MYNN: variants seen among roughly 807,000 people sequenced by gnomAD.
MYNN encodes the protein myoneurin.
MYNN carries 22 observed loss-of-function variants against 57.2 expected under a neutral mutation model. The observed-to-expected ratio is 0.38, with a 90% CI of 0.27 to 0.55. The LOEUF (loss-of-function observed/expected upper bound fraction) is 0.55. Ranked by LOEUF, MYNN falls within the 20% of genes least tolerant of loss-of-function variation. The pLI, the probability that MYNN is intolerant of heterozygous loss-of-function variation, is 0.71. For missense variants in MYNN, 566 were observed against 723.1 expected, an observed-to-expected ratio of 0.78 and a Z score of 2.49; for synonymous variants, 241 against 257.1, an observed-to-expected ratio of 0.94 and a Z score of 0.60.
At position 169,774,135 on chromosome 3, in the gene MYNN, T is replaced by TA. The variant is rs1482671182; in HGVS notation, c.-31-128dup. 2.3e-5 allele frequency: 15 copies of TA among 662,348 alleles called. No homozygotes were observed. In the African/African-American group the frequency reaches 2.5e-4, roughly 11 times the overall value. 41.0% of individuals were successfully genotyped at this position (662,348 alleles called of 1,614,324 possible). On this transcript the variant is annotated intron_variant, in intron 1 of 7. Transcript: ENST00000349841. ...AGAAAGGCACTCATCCCTTCATTCTTAACCATGTATGTTTGATAAGGATTT... is the reference window on the plus strand; with the variant it reads ...AGAAAGGCACTCATCCCTTCATTCTTAAACCATGTATGTTTGATAAGGATTT...
rs1778703701 is a variant in MYNN at position 169,787,344 on chromosome 3, C to T, written c.*666C>T. 6.6e-6 allele frequency: 1 copy of T among 151,996 alleles called. No individual in the cohort carries two copies. The highest frequency in any genetic ancestry group is 1.5e-5 in the Non-Finnish European group (1 of 67,920). 9.4% of individuals were successfully genotyped at this position (151,996 alleles called of 1,614,324 possible). A position where few individuals can be genotyped will look rare whatever the true frequency, so the allele number is the denominator to read the frequency against. On this transcript the variant is annotated 3_prime_UTR_variant, in exon 8 of 8. Transcript: ENST00000349841. The stretch of plus-strand genomic sequence containing the variant: ...GGTCAGCACTTTTGGTTTGAGTTAT[C>T]TGAGATTGTATTTTCAAAATGAATT...
intron 7 of MYNN, among the ~76,000 whole-genome samples, chr3:169,785,278 T>C (rs937177491): frequency 6.6e-6 from 1 of 152,014 alleles, no homozygotes; most frequent in Admixed American, 6.6e-5. Context: ...TAGGCCCTTC[T>C]GGTGTGTAAA....
chr3:169,777,671 T>C (rs1274783758), intron 2 of MYNN: 1 of 152,194 alleles, frequency 6.6e-6, no homozygotes, highest in Admixed American at 6.5e-5. Flanking sequence ...TTTCACCACA[T>C]TGTGAACTTC....
In MYNN at chr3:169,786,666, A is replaced by G. The variant is rs1328716647; in HGVS notation, c.1821A>G (p.Gln607=). The stretch of plus-strand genomic sequence containing the variant: ...CAGAACCACAGTTGATTTTTTTACA[A>G]CAATTATACTGACTTTGTAAGGAAT... The part of the protein sequence containing the change: ...GYSEPQLIFL[Q]QLY The change falls in exon 8 of 8, where the codon CAA becomes CAG. Residue 607 remains glutamine, a synonymous_variant. Transcript: ENST00000349841. 1 of 1,612,168 alleles carries G rather than the reference A, an allele frequency of 6.2e-7. No individual in the cohort carries two copies. The highest frequency in any genetic ancestry group is 8.5e-7 in the Non-Finnish European group (1 of 1,178,864).
At position 169,774,387 on chromosome 3, in the gene MYNN, G is replaced by A; in HGVS notation, c.92G>A (p.Gly31Glu). 1 of 1,614,112 alleles carries A rather than the reference G, an allele frequency of 6.2e-7. No individual in the cohort carries two copies. The change falls in exon 2 of 8, where the codon GGG (glycine) becomes GAG (glutamate). Residue 31 changes from glycine to glutamate, a missense_variant. Physicochemically the swap from Gly to Glu is moderately conservative, Grantham distance 98 (BLOSUM62 -2). Transcript: ENST00000349841. ...GFLCDCTIVI[G>E]EFQFKAHRNV... ...CTCTGTGACTGTACCATAGTGATTG[G>A]GGAATTCCAGTTTAAAGCTCATAGG...
At chr3:169,776,469 T>C (rs186790905) in intron 2 of MYNN, among the ~76,000 whole-genome samples, 29 of 152,302 alleles carry the variant, frequency 1.9e-4, no homozygotes, top group African/African-American at 7.0e-4. Context: ...AGGATTATAA[T>C]AGATTTCATA....
chr3:169,778,563 T>A lies in MYNN; in HGVS notation c.267-205T>A, dbSNP rs1778417028. 4 of 468,508 alleles carry A rather than the reference T, an allele frequency of 8.5e-6. No individual in the cohort carries two copies. The South Asian group carries it at 1.2e-4, about 14-fold the overall frequency. 29.0% of individuals were successfully genotyped at this position (468,508 alleles called of 1,614,324 possible). On this transcript the variant is annotated intron_variant, in intron 2 of 7. Transcript: ENST00000349841. ...GTCAGCTGTGAATAGCCATTATCTT[T>A]CATCTCTTGAAGTTCTGTAAAATTG...
rs146178757 is a variant in MYNN, at chr3:169,779,239, A to G, written c.738A>G (p.Pro246=). Residue 246 remains proline, a synonymous_variant, in exon 3 of 8, where the codon CCA becomes CCG. Coordinates refer to ENST00000349841, the MANE Select transcript of MYNN (RefSeq NM_018657.5). ...ELTSVVENTF[P]AQDIVHTVTV... is the part of the protein sequence containing the mutation. ...CATCAGTTGTGGAAAATACTTTTCC[A>G]GCACAAGATATTGTGCACACTGTTA... 1.7e-5 allele frequency: 27 copies of G among 1,614,088 alleles called. No homozygotes were observed. In the African/African-American group the frequency reaches 2.7e-4, roughly 16 times the overall value.
intron 2 of MYNN, chr3:169,778,562 T>C (rs1466955170): frequency 2.1e-6 from 1 of 467,364 alleles, no homozygotes; most frequent in Admixed American, 3.9e-5. Flanking sequence ...GCCATTATCT[T>C]TCATCTCTTG....
At position 169,779,061 on chromosome 3, in the gene MYNN, A is replaced by G; in HGVS notation, c.560A>G (p.Asn187Ser). The change falls in exon 3 of 8, where the codon AAC (asparagine) becomes AGC (serine). Residue 187 changes from asparagine (N) to serine (S), a missense_variant. Around this residue, in one of 4 missense-constraint regions of MYNN, gnomAD observed 261 missense variants for 280.8 expected, o/e 0.93. Transcript: ENST00000349841. ...SQTKKKKKAF[N>S]SPKTGQNKTV... is the part of the protein sequence containing the mutation. ...ACGAAAAAGAAGAAGAAGGCTTTCA[A>G]CTCCCCGAAAACAGGGCAGAATAAA... 2 of 1,614,104 alleles carry G rather than the reference A, an allele frequency of 1.2e-6. No homozygotes were observed. The highest frequency in any genetic ancestry group is 8.5e-7 in the Non-Finnish European group (1 of 1,180,030).
chr3:169,786,782 T>C lies in MYNN; in HGVS notation c.*104T>C, dbSNP rs1778691796. On this transcript the variant is annotated 3_prime_UTR_variant, in exon 8 of 8. Transcript: ENST00000349841. ...TCCCATTCATTTGAGTTGTGACCAT[T>C]ATTTTTCATTCACTGAAGTAAAAGC... 1 of 1,198,392 alleles carries C rather than the reference T, an allele frequency of 8.3e-7. No individual in the cohort carries two copies. Among genetic ancestry groups the C allele is most frequent in the African/African-American group, 1.5e-5 (1 of 65,392 alleles). The allele number at this position is 1,198,392 out of a possible 1,614,324, so 74.2% of individuals were successfully genotyped here. A position where few individuals can be genotyped will look rare whatever the true frequency, so the allele number is the denominator to read the frequency against.
At position 169,782,205 on chromosome 3, in the gene MYNN, T is replaced by C; in HGVS notation, c.1221-260T>C. 6.6e-6 allele frequency among the ~76,000 whole-genome samples: 1 copy of C among 152,146 alleles called. No individual in the cohort carries two copies. Among genetic ancestry groups the C allele is most frequent in the South Asian group, 2.1e-4 (1 of 4,830 alleles). ...AGAGTGACTAGACTCATGAAAATAA[T>C]TGCCTGCAGTATTAGGGGCCCACTG... On this transcript the variant is annotated intron_variant, in intron 4 of 7. Transcript: ENST00000349841. This position sits in a 1 kb window ranked among gnomAD's most constrained non-coding sequence, Gnocchi z 4.8.
chr3:169,780,805 T>C (rs1178781314), intron 4 of MYNN, 56 bp downstream of exon 4: 2 of 1,343,868 alleles, frequency 1.5e-6, no homozygotes, highest in Non-Finnish European at 2.0e-6. Flanking sequence ...CATAGTCTTA[T>C]GAATAGACTA....
rs995111804 is a variant in MYNN at position 169,789,264 on chromosome 3, A to C, written c.*2586A>C. ...TTTTTTCAAAGGTAATGGTTCTATCAGTTTCATTCCAACAGTAGCTAATTT... is the reference window on the plus strand; with the variant it reads ...TTTTTTCAAAGGTAATGGTTCTATCCGTTTCATTCCAACAGTAGCTAATTT... On this transcript the variant is annotated 3_prime_UTR_variant, in exon 8 of 8. Coordinates refer to ENST00000349841, the MANE Select transcript of MYNN (RefSeq NM_018657.5). 1 of 152,238 alleles carries C rather than the reference A, an allele frequency of 6.6e-6. No homozygotes were observed. The highest frequency in any genetic ancestry group is 1.5e-5 in the Non-Finnish European group (1 of 68,030). 9.4% of individuals were successfully genotyped at this position (152,238 alleles called of 1,614,324 possible).
rs1470746169 is a variant in MYNN at position 169,782,223 on chromosome 3, G to A, written c.1221-242G>A. 6.6e-6 allele frequency among the ~76,000 whole-genome samples: 1 copy of A among 152,112 alleles called. No homozygotes were observed. The highest frequency in any genetic ancestry group is 1.5e-5 in the Non-Finnish European group (1 of 68,008). ...AAAATAATTGCCTGCAGTATTAGGG[G>A]CCCACTGACAACCATATAAAGATCA... On this transcript the variant is annotated intron_variant, in intron 4 of 7. Coordinates refer to ENST00000349841, the MANE Select transcript of MYNN (RefSeq NM_018657.5). This position sits in a 1 kb window ranked among gnomAD's most constrained non-coding sequence, Gnocchi z 4.8.
rs760353149 is a variant in MYNN, at chr3:169,779,068, G to A, written c.567G>A (p.Pro189=). The change falls in exon 3 of 8, where the codon CCG becomes CCA. Residue 189 remains proline, a synonymous_variant. Transcript: ENST00000349841. ...TKKKKKAFNS[P]KTGQNKTVQY... ...AGAAGAAGAAGGCTTTCAACTCCCC[G>A]AAAACAGGGCAGAATAAAACAGTGC... 4.7e-5 allele frequency: 76 copies of A among 1,613,982 alleles called. No homozygotes were observed. The highest frequency in any genetic ancestry group is 5.5e-5 in the Non-Finnish European group (65 of 1,180,024).
rs1457329462 is a variant in MYNN at position 169,782,245 on chromosome 3, A to G, written c.1221-220A>G. 6.6e-6 allele frequency among the ~76,000 whole-genome samples: 1 copy of G among 152,144 alleles called. No individual in the cohort carries two copies. Among genetic ancestry groups the G allele is most frequent in the Non-Finnish European group, 1.5e-5 (1 of 68,018 alleles). Reference sequence around the variant, plus strand: ...GGGGCCCACTGACAACCATATAAAGATCATGGAAAAACTTTTTGAACTGAT... The same window carrying G: ...GGGGCCCACTGACAACCATATAAAGGTCATGGAAAAACTTTTTGAACTGAT... On this transcript the variant is annotated intron_variant, in intron 4 of 7. Transcript: ENST00000349841. The surrounding 1 kb of genome is among the most constrained non-coding windows in gnomAD (Gnocchi z 4.8).
intron 2 of MYNN, 89 bp downstream of exon 2, chr3:169,774,650 G>A: frequency 8.0e-7 from 1 of 1,242,750 alleles, no homozygotes; most frequent in Non-Finnish European, 1.1e-6. Flanking sequence ...TTCATTCTCT[G>A]AACTCAAATT....
rs943384837 is a variant in MYNN at position 169,788,964 on chromosome 3, A to G, written c.*2286A>G. On this transcript the variant is annotated 3_prime_UTR_variant, in exon 8 of 8. Transcript: ENST00000349841. ...TAAGTCCAACTTTATATTTGTTACA[A>G]TGCAGTGTTTTGGGAAAGGTCTATT... 6.6e-6 allele frequency: 1 copy of G among 152,136 alleles called. No individual in the cohort carries two copies. The allele number at this position is 152,136 out of a possible 1,614,324, so 9.4% of individuals were successfully genotyped here. A position where few individuals can be genotyped will look rare whatever the true frequency, so the allele number is the denominator to read the frequency against.
Sources: gnomAD v4.1 joint callset for allele counts (sites outside exome capture counted in the v4.1 genomes callset) on GRCh38, gnomAD v4.1.1 for gene constraint, gnomAD v4.1.1 regional missense constraint, Gnocchi (gnomAD v3.1) non-coding constraint, MANE v1.5 for transcripts, NCBI Gene and HGNC (gene_info 2026-07-23, HGNC 2026-07-21) for gene names.